Variants in RIMBP2 observed in about 807,000 individuals in gnomAD.
RIMBP2 encodes the protein RIMS-binding protein 2.
A neutral mutation model predicts 118.6 loss-of-function variants in RIMBP2; 48 were observed. The ratio of observed to expected loss-of-function variants is 0.40; its 90% CI spans 0.32 to 0.51. RIMBP2 has a LOEUF of 0.51. RIMBP2 is among the 20% of genes least tolerant of loss of function. RIMBP2 has a pLI of 0.41. For missense variants in RIMBP2, 1,551 were observed against 1,768.3 expected (o/e 0.88, Z 2.20); for synonymous variants, 762 against 742.9 (o/e 1.03, Z -0.42).
At chr12:130,532,005 G>A (rs1279850775) in intron 2 of RIMBP2, among the ~76,000 whole-genome samples, 2 of 87,948 alleles carry the variant, frequency 2.3e-5, no homozygotes, top group African/African-American at 5.2e-5. Context: ...AATGAGATGC[G>A]TATGTTTAGC....
intron 5 of RIMBP2, among the ~76,000 whole-genome samples, chr12:130,477,600 C>T (rs750868270): frequency 1.3e-5 from 2 of 152,186 alleles, no homozygotes; most frequent in Admixed American, 6.5e-5. Context: ...TTCCCATCAG[C>T]GCTGGCTTAA....
rs2061365169 is a variant in RIMBP2 at position 130,622,273 on chromosome 12, A to G, written c.-217+6049T>C. Among the ~76,000 whole-genome samples the G allele has an allele frequency of 9.2e-5, 14 of 152,140 alleles. No homozygotes were observed. ...CAAGGCTGCATAGGAGGTTCCGGGG[A>G]ACAGAGTCCCCAAACATCACAAGTT... On this transcript the variant is annotated intron_variant, in intron 2 of 22. Coordinates refer to ENST00000690449, the MANE Select transcript of RIMBP2 (RefSeq NM_001393629.1). This position sits in a 1 kb window ranked among gnomAD's most constrained non-coding sequence, Gnocchi z 8.5.
intron 2 of RIMBP2, among the ~76,000 whole-genome samples, chr12:130,532,900 T>TGG (rs2053616549): frequency 6.9e-6 from 1 of 144,616 alleles, no homozygotes; most frequent in African/African-American, 2.6e-5. Flanking sequence ...CTCTAGGAGT[T>TGG]ACGTCTAATG....
intron 20 of RIMBP2, 50 bp from the exon 21 acceptor site, chr12:130,406,293 T>C (rs752888615): frequency 1.6e-6 from 2 of 1,280,366 alleles, no homozygotes; most frequent in Middle Eastern, 2.2e-4. Context: ...ACAACAGTAG[T>C]AGTTTTTTAA....
intron 1 of RIMBP2, among the ~76,000 whole-genome samples, chr12:130,663,226 C>T (rs2063735992): frequency 6.6e-6 from 1 of 152,160 alleles, no homozygotes; most frequent in Non-Finnish European, 1.5e-5. Context: ...TCCTCCCCTC[C>T]TGCTCCACCC....
rs183302108 is a variant in RIMBP2 at position 130,691,230 on chromosome 12, C to T, written c.-352+24992G>A. Among the ~76,000 whole-genome samples the T allele has an allele frequency of 5.1e-3, 778 of 152,310 alleles. 8 individuals are homozygous for T. The highest frequency in any genetic ancestry group is 0.018 in the African/African-American group (742 of 41,578). On this transcript the variant is annotated intron_variant, in intron 1 of 22. Coordinates refer to ENST00000690449, the MANE Select transcript of RIMBP2 (RefSeq NM_001393629.1). ...TAAAGGAAGCCTGTGACTCCTAACA[C>T]CTGCAACGCTGACCACAGCAACGGC... is the stretch of plus-strand genomic sequence containing the variant.
At chr12:130,513,038 T>C (rs2051086195) in intron 3 of RIMBP2, among the ~76,000 whole-genome samples, 1 of 152,198 alleles carries the variant, frequency 6.6e-6, no homozygotes, top group Non-Finnish European at 1.5e-5. Context: ...ATGGTTGCCA[T>C]CTCATACCAG....
chr12:130,646,457 A>G lies in RIMBP2; in HGVS notation c.-351-18001T>C, dbSNP rs1294987700. ...CACCTCCCTTGCCACCTCCCTCGCC[A>G]CCTCCCTCGCTACCTCCCTCACTAC... On this transcript the variant is annotated intron_variant, in intron 1 of 22. Transcript: ENST00000690449. Among the ~76,000 whole-genome samples, 4 of 147,232 alleles carry G rather than the reference A, an allele frequency of 2.7e-5. 2 individuals are homozygous for G. Among genetic ancestry groups the G allele is most frequent in the African/African-American group, 5.0e-5 (2 of 40,224 alleles).
intron 10 of RIMBP2, 58 bp downstream of exon 10, chr12:130,445,102 G>T: frequency 9.0e-7 from 1 of 1,112,294 alleles, no homozygotes; most frequent in Non-Finnish European, 1.3e-6. Context: ...TGGAAGAGGT[G>T]GTCTGCGGGG....
intron 1 of RIMBP2, among the ~76,000 whole-genome samples, chr12:130,692,153 G>A (rs1351762998): frequency 6.6e-6 from 1 of 152,212 alleles, no homozygotes; most frequent in East Asian, 1.9e-4. Context: ...TGAGAGGCCT[G>A]GGTTTGACTC....
At chr12:130,706,596 G>A (rs1020716065) in intron 1 of RIMBP2, among the ~76,000 whole-genome samples, 1 of 152,268 alleles carries the variant, frequency 6.6e-6, no homozygotes, top group Non-Finnish European at 1.5e-5. Flanking sequence ...CCAGGGGCAG[G>A]CGCTCTGGCG....
rs112131519 is a variant in RIMBP2, at chr12:130,683,004, C to T, written c.-352+33218G>A. On this transcript the variant is annotated intron_variant, in intron 1 of 22. Transcript: ENST00000690449. The surrounding 1 kb of genome is among the most constrained non-coding windows in gnomAD (Gnocchi z 4.4). ...TTTTGTTGTCTAATTATGTCGGAGG[C>T]GCACTATGTCTCATTCTTTTATCTT... 7.7e-3 allele frequency among the ~76,000 whole-genome samples: 1,168 copies of T among 152,224 alleles called. 14 individuals are homozygous for T. Among genetic ancestry groups the T allele is most frequent in the African/African-American group, 0.027 (1,109 of 41,516 alleles).
intron 2 of RIMBP2, among the ~76,000 whole-genome samples, chr12:130,572,434 T>C (rs1024282540): frequency 6.6e-6 from 1 of 152,100 alleles, no homozygotes; most frequent in Non-Finnish European, 1.5e-5. Context: ...AGAAGGGACC[T>C]TCCTTGGACA....
intron 7 of RIMBP2, among the ~76,000 whole-genome samples, chr12:130,455,895 G>A (rs1022155222): frequency 2.0e-5 from 3 of 151,966 alleles, no homozygotes; most frequent in Admixed American, 6.6e-5. Context: ...ATCTGTGATC[G>A]CTCTGCCTGC....
intron 1 of RIMBP2, among the ~76,000 whole-genome samples, chr12:130,678,010 C>T (rs1399471166): frequency 6.6e-6 from 1 of 152,248 alleles, no homozygotes; most frequent in Admixed American, 6.5e-5. Flanking sequence ...AGGCACCTTC[C>T]TTCTTTCTCT....
At chr12:130,515,433 G>A (rs1043400484) in intron 3 of RIMBP2, among the ~76,000 whole-genome samples, 2 of 152,052 alleles carry the variant, frequency 1.3e-5, no homozygotes, top group Non-Finnish European at 2.9e-5. Flanking sequence ...TGGCTCTGAT[G>A]ACTCTAGGAA....
At chr12:130,502,765 T>TGGTGCCTGCAAC (rs1321616709) in intron 4 of RIMBP2, among the ~76,000 whole-genome samples, 1 of 152,234 alleles carries the variant, frequency 6.6e-6, no homozygotes, top group Non-Finnish European at 1.5e-5. Flanking sequence ...GCTATACCCC[T>TGGTGCCTGCAAC]GGTGCCTGCA....
At chr12:130,658,428 TCA>T (rs769558462) in intron 1 of RIMBP2, 10 of 152,072 alleles carry the variant, frequency 6.6e-5, no homozygotes, top group Non-Finnish European at 1.3e-4. Context: ...GTGCGAACAC[TCA>T]CAGTCTCTAT....
At chr12:130,539,687 G>A (rs940279420) in intron 2 of RIMBP2, among the ~76,000 whole-genome samples, 14 of 133,232 alleles carry the variant, frequency 1.1e-4, no homozygotes, top group African/African-American at 2.5e-4. Flanking sequence ...AAATGCAGTC[G>A]ATGAGGTGGC....
Sources: gnomAD v4.1 joint callset for allele counts (sites outside exome capture counted in the v4.1 genomes callset) on GRCh38, gnomAD v4.1.1 for gene constraint, Gnocchi (gnomAD v3.1) non-coding constraint, MANE v1.5 for transcripts, NCBI Gene and HGNC (gene_info 2026-07-23, HGNC 2026-07-21) for gene names.